The following SLC39A11 variants were observed in gnomAD, a reference collection of about 807,000 sequenced individuals.
The protein encoded by SLC39A11 is solute carrier family 39 member 11.
In SLC39A11, 33 loss-of-function variants were observed where a neutral mutation model predicts 36.1. That is an observed-to-expected ratio of 0.91 (90% CI 0.69 to 1.22). SLC39A11 has a LOEUF of 1.22. SLC39A11 is among the 50% of genes most tolerant of loss of function. The pLI, the probability that SLC39A11 is intolerant of heterozygous loss-of-function variation, is 0.00. For missense variants in SLC39A11, 432 were observed against 430.3 expected, an observed-to-expected ratio of 1.00 and a Z score of -0.03; for synonymous variants, 166 against 170.3, an observed-to-expected ratio of 0.97 and a Z score of 0.20.
At chr17:73,026,145 AAGAG>A (rs1445105229) in intron 4 of SLC39A11, among the ~76,000 whole-genome samples, 1 of 132,278 alleles carries the variant, frequency 7.6e-6, no homozygotes, top group East Asian at 2.4e-4. Context: ...GAGAAGAGAA[AAGAG>A]AGAGCAGAGG....
intron 3 of SLC39A11, among the ~76,000 whole-genome samples, chr17:73,048,164 C>G (rs911642522): frequency 6.6e-6 from 1 of 151,474 alleles, no homozygotes; most frequent in African/African-American, 2.4e-5. Context: ...CCCAATAGTA[C>G]TTTTCCAAAC....
chr17:72,777,553 G>T (rs2144807167), intron 6 of SLC39A11, among the ~76,000 whole-genome samples: 1 of 152,274 alleles, frequency 6.6e-6, no homozygotes, highest in South Asian at 2.1e-4. Context: ...TACATGTGAA[G>T]ATGGAGGTGG....
At chr17:72,679,818 C>T (rs1050146850) in intron 7 of SLC39A11, among the ~76,000 whole-genome samples, 7 of 152,026 alleles carry the variant, frequency 4.6e-5, no homozygotes, top group South Asian at 4.2e-4. Flanking sequence ...CCAAGGTGGG[C>T]GGATCACGAG....
chr17:72,960,411 A>G (rs1027941328), intron 4 of SLC39A11, among the ~76,000 whole-genome samples: 5 of 151,954 alleles, frequency 3.3e-5, no homozygotes, highest in African/African-American at 4.8e-5. Flanking sequence ...AGGTAGGTAG[A>G]TAGATTGACA....
intron 7 of SLC39A11, among the ~76,000 whole-genome samples, chr17:72,713,172 G>T (rs928027004): frequency 6.6e-6 from 1 of 152,158 alleles, no homozygotes; most frequent in South Asian, 2.1e-4. Flanking sequence ...GGAGTTCGTG[G>T]TGGAGACTTC....
chr17:72,856,749 C>T (rs549301364), intron 5 of SLC39A11, among the ~76,000 whole-genome samples: 2 of 152,142 alleles, frequency 1.3e-5, no homozygotes, highest in South Asian at 2.1e-4. Flanking sequence ...GGCGCAATCT[C>T]GGTTCACTGT....
intron 6 of SLC39A11, among the ~76,000 whole-genome samples, chr17:72,809,091 T>G (rs1463043219): frequency 2.0e-5 from 3 of 152,200 alleles, no homozygotes; most frequent in Middle Eastern, 3.2e-3. Context: ...AGATTATTTC[T>G]CTAAGATCCT....
At chr17:73,025,961 C>T (rs9901776) in intron 4 of SLC39A11, among the ~76,000 whole-genome samples, 147,435 of 152,090 alleles carry the variant, frequency 0.97, 71,617 homozygotes, top group Non-Finnish European at 1. Context: ...CCACTAAAAA[C>T]ACAAAAATTA....
At chr17:72,932,054 G>C (rs921765350) in intron 5 of SLC39A11, among the ~76,000 whole-genome samples, 1 of 152,086 alleles carries the variant, frequency 6.6e-6, no homozygotes, top group Admixed American at 6.6e-5. Flanking sequence ...CCTCACATTT[G>C]TACATCCAGG....
rs911114492 is a variant in SLC39A11 at position 72,659,116 on chromosome 17, G to A, written c.672-9848C>T. 3.3e-5 allele frequency among the ~76,000 whole-genome samples: 5 copies of A among 152,162 alleles called. No homozygotes were observed. The South Asian group carries it at 6.2e-4, about 19-fold the overall frequency. ...CTCAGGAGTCACTCCAGAGTCAACC[G>A]CTAAGCCCTGGCCATGTGCAAGAGC... On this transcript the variant is annotated intron_variant, in intron 7 of 9. Coordinates refer to ENST00000255559, the MANE Select transcript of SLC39A11 (RefSeq NM_139177.4).
chr17:73,029,156 T>C (rs1415001635), intron 4 of SLC39A11, among the ~76,000 whole-genome samples: 1 of 150,890 alleles, frequency 6.6e-6, no homozygotes, highest in Non-Finnish European at 1.5e-5. Flanking sequence ...TAGTGCAAAT[T>C]AGCCAATGAC....
intron 4 of SLC39A11, among the ~76,000 whole-genome samples, chr17:73,019,383 C>G (rs1293486196): frequency 6.6e-6 from 1 of 152,036 alleles, no homozygotes; most frequent in Non-Finnish European, 1.5e-5. Context: ...AGATTTATGA[C>G]ATGTGAAGAA....
intron 5 of SLC39A11, among the ~76,000 whole-genome samples, chr17:72,935,471 G>T (rs1410559485): frequency 6.6e-6 from 1 of 152,204 alleles, no homozygotes; most frequent in Non-Finnish European, 1.5e-5. Flanking sequence ...GATGGTTACA[G>T]ATCTGTGCAT....
intron 5 of SLC39A11, among the ~76,000 whole-genome samples, chr17:72,900,089 AAAGAG>A (rs2082265433): frequency 8.9e-6 from 1 of 112,296 alleles, no homozygotes; most frequent in Non-Finnish European, 1.7e-5. Flanking sequence ...AGAGAAAGAG[AAAGAG>A]AAAAGAAAGA....
intron 5 of SLC39A11, 108 bp from the exon 6 acceptor site, chr17:72,849,912 G>C: frequency 8.7e-7 from 1 of 1,144,280 alleles, no homozygotes; most frequent in Non-Finnish European, 1.2e-6. Context: ...TTTCTTTTTT[G>C]AGACAGGGTC....
intron 6 of SLC39A11, among the ~76,000 whole-genome samples, chr17:72,796,828 G>A (rs1215850351): frequency 6.6e-6 from 1 of 152,152 alleles, no homozygotes; most frequent in Non-Finnish European, 1.5e-5. Context: ...GCTCGATACT[G>A]TGAAGTGCTA....
At chr17:73,037,273 T>C (rs1169501425) in intron 3 of SLC39A11, among the ~76,000 whole-genome samples, 1 of 152,238 alleles carries the variant, frequency 6.6e-6, no homozygotes, top group Non-Finnish European at 1.5e-5. Flanking sequence ...TTGGATCCTA[T>C]GATAAGCATC....
At chr17:72,857,567 A>G (rs1456761711) in intron 5 of SLC39A11, among the ~76,000 whole-genome samples, 1 of 152,188 alleles carries the variant, frequency 6.6e-6, no homozygotes, top group Non-Finnish European at 1.5e-5. Context: ...ACAGTGCTTT[A>G]GTTCAACAAC....
intron 6 of SLC39A11, among the ~76,000 whole-genome samples, chr17:72,808,396 T>C (rs773136687): frequency 5.3e-5 from 8 of 152,276 alleles, no homozygotes; most frequent in Middle Eastern, 3.4e-3. Context: ...GGAATTTAGT[T>C]TATGGTTTAA....
Sources: allele counts gnomAD v4.1 joint callset (sites outside exome capture counted in the v4.1 genomes callset), GRCh38; gene constraint gnomAD v4.1.1; transcripts MANE v1.5; gene names NCBI Gene and HGNC (gene_info 2026-07-23, HGNC 2026-07-21).